The following GON4L variants were observed in gnomAD, a reference collection of about 807,000 sequenced individuals.
GON4L encodes the protein gon-4 like.
Under a neutral mutation model 211.8 loss-of-function variants are expected in GON4L, and 87 were observed. The ratio of observed to expected loss-of-function variants is 0.41; its 90% CI spans 0.35 to 0.49. The LOEUF is 0.49. GON4L is among the 20% of genes least tolerant of loss of function. GON4L has a pLI of 0.15. For missense variants in GON4L, 2,155 were observed against 2,659.5 expected, an observed-to-expected ratio of 0.81 and a Z score of 4.17; for synonymous variants, 875 against 962.6, an observed-to-expected ratio of 0.91 and a Z score of 1.68.
rs1163661301 is a variant in GON4L at position 155,827,041 on chromosome 1, C to A, written c.506-13G>T. On this transcript the variant is annotated splice_polypyrimidine_tract_variant and intron_variant, in intron 2 of 31. Coordinates refer to ENST00000368331, the MANE Select transcript of GON4L (RefSeq NM_001282860.2). Reference sequence around the variant, plus strand: ...ATTTGAGGTTTCCCTGGAAGAATCACAAATATTGCTCCACACTTTGACCAT... The same window carrying A: ...ATTTGAGGTTTCCCTGGAAGAATCAAAAATATTGCTCCACACTTTGACCAT... The A allele has an allele frequency of 6.3e-7, 1 of 1,583,556 alleles. No homozygotes were observed. The highest frequency in any genetic ancestry group is 2.2e-5 in the East Asian group (1 of 44,748).
intron 2 of GON4L, among the ~76,000 whole-genome samples, chr1:155,852,357 G>C (rs527828371): frequency 6.6e-6 from 1 of 152,122 alleles, no homozygotes; most frequent in South Asian, 2.1e-4. Context: ...CAGTGTCCCA[G>C]GCAGTAGTCT....
At chr1:155,810,945 C>G (rs1667707427) in intron 10 of GON4L, among the ~76,000 whole-genome samples, 1 of 151,874 alleles carries the variant, frequency 6.6e-6, no homozygotes, top group African/African-American at 2.4e-5. Flanking sequence ...ACCCGGGAGG[C>G]AGATCAGATG....
chr1:155,781,449 AATT>A (rs111687720), intron 14 of GON4L, among the ~76,000 whole-genome samples: 4,299 of 149,756 alleles, frequency 0.029, 211 homozygotes, highest in African/African-American at 0.1. Flanking sequence ...CCTGATCTAT[AATT>A]ATTATTATTA....
chr1:155,830,829 C>T (rs538187190), intron 2 of GON4L, among the ~76,000 whole-genome samples: 1 of 152,172 alleles, frequency 6.6e-6, no homozygotes, highest in East Asian at 1.9e-4. Flanking sequence ...CTTAAGCAAT[C>T]CTCTCACCTC....
chr1:155,823,911 T>C (rs1668947094), intron 3 of GON4L, among the ~76,000 whole-genome samples: 1 of 151,948 alleles, frequency 6.6e-6, no homozygotes, highest in Non-Finnish European at 1.5e-5. Flanking sequence ...AAAAACCATT[T>C]GCTAAATCAA....
chr1:155,777,891 T>A, intron 14 of GON4L, 71 bp from the exon 15 acceptor site: 1 of 915,440 alleles, frequency 1.1e-6, no homozygotes, highest in Non-Finnish European at 1.8e-6. Flanking sequence ...TTCGTTCCAA[T>A]GATGAGCAAA....
chr1:155,791,912 C>G (rs943725407), intron 12 of GON4L, among the ~76,000 whole-genome samples: 1 of 122,902 alleles, frequency 8.1e-6, no homozygotes, highest in Admixed American at 7.9e-5. Context: ...CATAACATAA[C>G]ATAACATAAC....
At chr1:155,767,241 T>G in intron 20 of GON4L, 184 bp downstream of exon 20, 1 of 1,370,624 alleles carries the variant, frequency 7.3e-7, no homozygotes, top group Middle Eastern at 2.5e-4. Flanking sequence ...ACCTATTATT[T>G]TGAAAATGCT....
intron 27 of GON4L, chr1:155,756,709 G>T: frequency 2.4e-6 from 1 of 423,388 alleles, no homozygotes; most frequent in Non-Finnish European, 4.4e-6. Context: ...TGGATCACTT[G>T]AGGTAAGGAG....
chr1:155,813,449 CA>C (rs889260526), intron 10 of GON4L, among the ~76,000 whole-genome samples, 184 bp downstream of exon 10: 18 of 151,404 alleles, frequency 1.2e-4, no homozygotes, highest in Admixed American at 9.2e-4. Context: ...AACAAACAAA[CA>C]AAAAAAACCC....
intron 28 of GON4L, 46 bp downstream of exon 28, chr1:155,754,329 C>A (rs184600939): frequency 8.9e-7 from 1 of 1,123,158 alleles, no homozygotes; most frequent in Admixed American, 1.7e-5. Context: ...AGCAAACAAT[C>A]CCCCAGCAGC....
At chr1:155,757,594 G>C (rs1331975797) in intron 25 of GON4L, among the ~76,000 whole-genome samples, 1 of 150,116 alleles carries the variant, frequency 6.7e-6, no homozygotes, top group Non-Finnish European at 1.5e-5. Flanking sequence ...AGCAGAGCAA[G>C]GAGGTAAGGC....
chr1:155,769,261 C>T (rs907787310), intron 19 of GON4L, among the ~76,000 whole-genome samples: 1 of 151,976 alleles, frequency 6.6e-6, no homozygotes, highest in Non-Finnish European at 1.5e-5. Flanking sequence ...CAGGCCTGAG[C>T]CACCGTGTAC....
rs147573252 is a variant in GON4L at position 155,785,911 on chromosome 1, A to G, written c.1748-537T>C. Among the ~76,000 whole-genome samples the G allele has an allele frequency of 2.5e-3, 380 of 152,266 alleles. 12 individuals carry two copies. In the East Asian group the frequency reaches 0.063, roughly 25 times the overall value. ...GGAGATTGAGACCATCCTAGCTAAC[A>G]TGGTGAAACCCCGTCTCTATTAAAA... On this transcript the variant is annotated intron_variant, in intron 12 of 31. Transcript: ENST00000368331.
downstream of GON4L, among the ~76,000 whole-genome samples, chr1:155,749,074 T>G (rs1311002531): frequency 6.6e-6 from 1 of 152,014 alleles, no homozygotes; most frequent in African/African-American, 2.4e-5. Flanking sequence ...ACCAACATGG[T>G]GAACCCCATC....
intron 15 of GON4L, 68 bp downstream of exon 15, chr1:155,777,554 G>A (rs1663949817): frequency 2.5e-6 from 3 of 1,179,488 alleles, no homozygotes; most frequent in Non-Finnish European, 3.8e-6. Context: ...ACTCCAGGCT[G>A]GGAGACAGAG....
chr1:155,814,418 G>A lies in GON4L; in HGVS notation c.1193C>T (p.Ala398Val), dbSNP rs1457851504. The A allele has an allele frequency of 3.7e-6, 6 of 1,613,332 alleles. No homozygotes were observed. Among genetic ancestry groups the A allele is most frequent in the Non-Finnish European group, 5.1e-6 (6 of 1,179,450 alleles). ...TTTCTTTGCCCCACGTGGAGATGAAGCAGTGCTTTCAACATCACTTTCCAA... is the reference window on the plus strand; with the variant it reads ...TTTCTTTGCCCCACGTGGAGATGAAACAGTGCTTTCAACATCACTTTCCAA... Reference protein sequence around the residue: ...SLLESDVESTASSPRGAKKSR... With the variant: ...SLLESDVESTVSSPRGAKKSR... Residue 398 changes from alanine to valine, a missense_variant, in exon 9 of 32, where the codon GCT becomes GTT. Coordinates refer to ENST00000368331, the MANE Select transcript of GON4L (RefSeq NM_001282860.2).
At chr1:155,838,760 ACT>A (rs2102399643) in intron 2 of GON4L, among the ~76,000 whole-genome samples, 1 of 149,074 alleles carries the variant, frequency 6.7e-6, no homozygotes, top group African/African-American at 2.4e-5. Context: ...ACAGAGTGAG[ACT>A]CTGTCTCAAA....
intron 17 of GON4L, 100 bp downstream of exon 17, chr1:155,774,902 C>T: frequency 6.9e-7 from 1 of 1,450,318 alleles, no homozygotes; most frequent in Non-Finnish European, 9.6e-7. Flanking sequence ...TGTCCTGTGT[C>T]CTCCATTCCT....
Sources: allele counts gnomAD v4.1 joint callset (sites outside exome capture counted in the v4.1 genomes callset), GRCh38; gene constraint gnomAD v4.1.1; transcripts MANE v1.5; gene names NCBI Gene and HGNC (gene_info 2026-07-23, HGNC 2026-07-21).